CNR2: variants seen among roughly 807,000 people sequenced by gnomAD.
The protein encoded by CNR2 is cannabinoid receptor 2 (macrophage).
For synonymous variants in CNR2, 172 were observed against 182.2 expected (o/e 0.94, Z 0.45); for missense variants, 379 against 439.9 (o/e 0.86, Z 1.24).
intron 1 of CNR2, among the ~76,000 whole-genome samples, chr1:23,908,377 C>G (rs1473116068): frequency 6.6e-6 from 1 of 152,118 alleles, no homozygotes; most frequent in Non-Finnish European, 1.5e-5. Flanking sequence ...TCACTGCAGC[C>G]TTGAATTCCT....
At chr1:23,876,031 G>T (rs1041772435) in intron 1 of CNR2, among the ~76,000 whole-genome samples, 5 of 151,932 alleles carry the variant, frequency 3.3e-5, no homozygotes, top group African/African-American at 1.2e-4. Flanking sequence ...AAGGTTGAGG[G>T]TTTTTTTGTT....
chr1:23,878,846 G>A (rs1023779969), intron 1 of CNR2, among the ~76,000 whole-genome samples: 13 of 152,094 alleles, frequency 8.5e-5, no homozygotes, highest in African/African-American at 3.1e-4. Context: ...AGCAACAATA[G>A]AAGCCAAAAA....
rs75140728 is a variant in CNR2 at position 23,903,516 on chromosome 1, G to C, written c.-46+9730C>G. ...TTGAGCCCAGGTGGTTGAAGCTACA[G>C]CTAGCCGTGATGTGCCACTGCACTC... is the stretch of plus-strand genomic sequence containing the variant. On this transcript the variant is annotated intron_variant, in intron 1 of 1. Transcript: ENST00000374472. 3.2e-3 allele frequency among the ~76,000 whole-genome samples: 479 copies of C among 149,914 alleles called. 8 individuals carry two copies. Among genetic ancestry groups the C allele is most frequent in the African/African-American group, 0.011 (462 of 40,436 alleles).
intron 1 of CNR2, among the ~76,000 whole-genome samples, chr1:23,898,335 C>CCAATTTTTTTTT (rs1230917304): frequency 3.7e-5 from 4 of 108,224 alleles, no homozygotes; most frequent in African/African-American, 1.1e-4. Flanking sequence ...CCGCGCCCGG[C>CCAATTTTTTTTT]TTTTTTTTTT....
chr1:23,893,359 A>G (rs2502968), intron 1 of CNR2, among the ~76,000 whole-genome samples: 124,443 of 152,226 alleles, frequency 0.82, 50,973 homozygotes, highest in Admixed American at 0.84. Context: ...AGGAAACATC[A>G]CTGAGTTCAA....
chr1:23,893,729 T>C (rs1640230340), intron 1 of CNR2, among the ~76,000 whole-genome samples: 1 of 152,242 alleles, frequency 6.6e-6, no homozygotes. Context: ...GTGCTAGCAC[T>C]TTCTACACAT....
intron 1 of CNR2, among the ~76,000 whole-genome samples, chr1:23,890,304 G>A (rs1640164802): frequency 6.7e-6 from 1 of 148,248 alleles, no homozygotes; most frequent in Non-Finnish European, 1.5e-5. Context: ...AAGAAGAAAA[G>A]GATTCTGTCC....
intron 1 of CNR2, among the ~76,000 whole-genome samples, chr1:23,890,210 G>A (rs1640161065): frequency 7.2e-6 from 1 of 138,338 alleles, no homozygotes; most frequent in South Asian, 2.4e-4. Context: ...AGTAAGCAGT[G>A]ATTGTTCCAC....
intron 1 of CNR2, among the ~76,000 whole-genome samples, chr1:23,890,998 C>T (rs1640181090): frequency 6.6e-6 from 1 of 151,632 alleles, no homozygotes; most frequent in African/African-American, 2.4e-5. Context: ...TGTGCCTCAG[C>T]CACCCAAGTA....
rs1019976834 is a variant in CNR2 at position 23,875,621 on chromosome 1, G to C, written c.-4C>G. On this transcript the variant is annotated 5_prime_UTR_variant, in exon 2 of 2. Coordinates refer to ENST00000374472, the MANE Select transcript of CNR2 (RefSeq NM_001841.3). The stretch of plus-strand genomic sequence containing the variant: ...CTGTCACCCAGCATTCCTCCATGGG[G>C]TGGGCCCTTCAGATTCCACTGAGCT... 2.5e-6 allele frequency: 4 copies of C among 1,591,042 alleles called. No homozygotes were observed. In the Admixed American group the frequency reaches 6.9e-5, roughly 27 times the overall value.
chr1:23,892,155 A>G (rs1298037690), intron 1 of CNR2, among the ~76,000 whole-genome samples: 1 of 152,198 alleles, frequency 6.6e-6, no homozygotes, highest in South Asian at 2.1e-4. Flanking sequence ...GCCCTGAAGC[A>G]GAGTGTGAAC....
chr1:23,875,706 A>G, intron 1 of CNR2, 44 bp from the exon 2 acceptor site: 1 of 1,456,980 alleles, frequency 6.9e-7, no homozygotes. Flanking sequence ...TTCAGTAAGC[A>G]CAAGAATGAC....
Position 23,875,319 on chromosome 1 carries a change from A to G in CNR2, c.299T>C (p.Val100Ala). ...CAGCAGGAAGACAGCCTTGGAATCC[A>G]CACCATGGAAAACATGGAAATTCAC... ...SFVNFHVFHG[V>A]DSKAVFLLKI... The change falls in exon 2 of 2, where the codon GTG (valine) becomes GCG (alanine). Residue 100 changes from valine to alanine, a missense_variant. Coordinates refer to ENST00000374472, the MANE Select transcript of CNR2 (RefSeq NM_001841.3). The G allele has an allele frequency of 6.2e-7, 1 of 1,614,242 alleles. No individual in the cohort carries two copies. The highest frequency in any genetic ancestry group is 8.5e-7 in the Non-Finnish European group (1 of 1,180,052).
intron 1 of CNR2, among the ~76,000 whole-genome samples, chr1:23,886,806 C>T (rs1640100293): frequency 1.3e-5 from 2 of 152,250 alleles, no homozygotes; most frequent in South Asian, 2.1e-4. Flanking sequence ...ATCCACATAT[C>T]CCGAGTCACA....
intron 1 of CNR2, among the ~76,000 whole-genome samples, chr1:23,899,349 C>T (rs899991082): frequency 9.3e-5 from 14 of 150,646 alleles, no homozygotes; most frequent in Admixed American, 3.3e-4. Flanking sequence ...ACTTAACTGA[C>T]TCCATCTTGC....
At chr1:23,879,746 A>G (rs988470107) in intron 1 of CNR2, among the ~76,000 whole-genome samples, 12 of 152,178 alleles carry the variant, frequency 7.9e-5, no homozygotes, top group Non-Finnish European at 4.4e-5. Flanking sequence ...TAAAAAAAAA[A>G]CCAGGCATCA....
chr1:23,885,899 C>CG (rs869113895), intron 1 of CNR2, among the ~76,000 whole-genome samples: 20 of 67,724 alleles, frequency 3.0e-4, no homozygotes, highest in African/African-American at 5.5e-4. Flanking sequence ...AGGGTGGCGG[C>CG]GGGGGGGTGG....
intron 1 of CNR2, among the ~76,000 whole-genome samples, chr1:23,899,707 G>A (rs1164339288): frequency 2.0e-5 from 3 of 147,672 alleles, no homozygotes; most frequent in Non-Finnish European, 4.5e-5. Context: ...CCAGCTACTC[G>A]AGAGGGGGAG....
intron 1 of CNR2, chr1:23,902,741 C>G: frequency 6.5e-7 from 1 of 1,545,944 alleles, no homozygotes; most frequent in Non-Finnish European, 8.7e-7. Context: ...GCGTGGGGGA[C>G]CGCGCCATTT....
Sources: allele counts gnomAD v4.1 joint callset (sites outside exome capture counted in the v4.1 genomes callset), GRCh38; gene constraint gnomAD v4.1.1; transcripts MANE v1.5; gene names NCBI Gene and HGNC (gene_info 2026-07-23, HGNC 2026-07-21).